CUEDC1: variants seen among roughly 807,000 people sequenced by gnomAD.
CUEDC1 encodes the protein CUE domain containing 1, also known as CUE domain-containing protein 1.
CUEDC1 carries 30 observed loss-of-function variants against 43.7 expected under a neutral mutation model. The ratio of observed to expected loss-of-function variants is 0.69; its 90% confidence interval spans 0.51 to 0.93. The LOEUF (loss-of-function observed/expected upper bound fraction) is 0.93, where lower values mean the gene tolerates loss of function less well. Among genes scored for constraint, CUEDC1 ranks in the 40% least tolerant of loss-of-function variants. The pLI, the probability that CUEDC1 is intolerant of heterozygous loss-of-function variation, is 0.00. For missense variants in CUEDC1, 486 were observed against 549.0 expected (o/e 0.89, Z 1.15); for synonymous variants, 223 against 223.6 (o/e 1.00, Z 0.02).
At chr17:57,939,816 C>T (rs996121622) in intron 1 of CUEDC1, among the ~76,000 whole-genome samples, 7 of 152,106 alleles carry the variant, frequency 4.6e-5, no homozygotes, top group African/African-American at 1.4e-4. Context: ...GGAAAGTGGA[C>T]GGGTGTATTT....
chr17:57,887,497 G>GA (rs1042988065), intron 1 of CUEDC1, among the ~76,000 whole-genome samples: 9 of 112,096 alleles, frequency 8.0e-5, no homozygotes, highest in South Asian at 3.4e-4. Context: ...AGCTGATACA[G>GA]AAATTTTTTT....
Position 57,869,204 on chromosome 17 carries a change from A to T in CUEDC1, c.869-11T>A. 6.2e-7 allele frequency: 1 copy of T among 1,612,944 alleles called. No homozygotes were observed. The highest frequency in any genetic ancestry group is 8.5e-7 in the Non-Finnish European group (1 of 1,179,490). On this transcript the variant is annotated splice_polypyrimidine_tract_variant and intron_variant, in intron 6 of 10. Coordinates refer to ENST00000577830, the MANE Select transcript of CUEDC1 (RefSeq NM_001271875.2). ...TGGCGTCGCCAGTTCCTGGAAGGAGACACCTGCTGAAGGCCGGCCACCGTG... is the reference window on the plus strand; with the variant it reads ...TGGCGTCGCCAGTTCCTGGAAGGAGTCACCTGCTGAAGGCCGGCCACCGTG...
chr17:57,893,704 G>A (rs73314227), intron 1 of CUEDC1, among the ~76,000 whole-genome samples: 21,208 of 152,252 alleles, frequency 0.14, 1,665 homozygotes, highest in Non-Finnish European at 0.17. Flanking sequence ...CTTAGGGGAG[G>A]AGGAGGAGGA....
At chr17:57,945,933 G>A (rs1017365676) in intron 1 of CUEDC1, among the ~76,000 whole-genome samples, 2 of 152,046 alleles carry the variant, frequency 1.3e-5, no homozygotes, top group Non-Finnish European at 2.9e-5. Flanking sequence ...GCTGAGACAG[G>A]AGAATTACTT....
intron 1 of CUEDC1, among the ~76,000 whole-genome samples, chr17:57,894,785 G>A (rs988681496): frequency 3.9e-5 from 6 of 152,220 alleles, no homozygotes; most frequent in Non-Finnish European, 7.3e-5. Flanking sequence ...GTGGGGCAGG[G>A]ACGAGGGCAA....
At chr17:57,939,341 C>T (rs1399133028) in intron 1 of CUEDC1, among the ~76,000 whole-genome samples, 5 of 151,778 alleles carry the variant, frequency 3.3e-5, no homozygotes, top group Non-Finnish European at 7.4e-5. Flanking sequence ...CCCGGCTCAC[C>T]GCAGCCTTGA....
chr17:57,903,397 A>G (rs1377005921), intron 1 of CUEDC1: 1 of 152,312 alleles, frequency 6.6e-6, no homozygotes, highest in African/African-American at 2.4e-5. Flanking sequence ...CTTGAAAATT[A>G]TTAACATGCA....
At chr17:57,894,606 G>T (rs1390673615) in intron 1 of CUEDC1, among the ~76,000 whole-genome samples, 1 of 152,104 alleles carries the variant, frequency 6.6e-6, no homozygotes, top group African/African-American at 2.4e-5. Flanking sequence ...GGAGGCAGAG[G>T]TTGCAGTGAG....
intron 3 of CUEDC1, among the ~76,000 whole-genome samples, chr17:57,876,984 A>G (rs979352479): frequency 3.9e-5 from 6 of 152,238 alleles, no homozygotes; most frequent in African/African-American, 1.4e-4. Flanking sequence ...AGGTTAAGCA[A>G]TGAGCCAAAG....
At chr17:57,926,120 T>C (rs1002474427) in intron 1 of CUEDC1, among the ~76,000 whole-genome samples, 1 of 152,110 alleles carries the variant, frequency 6.6e-6, no homozygotes, top group Non-Finnish European at 1.5e-5. Flanking sequence ...AATACTGGAA[T>C]GGAAAAAGTG....
At chr17:57,916,310 G>A (rs961388424) in intron 1 of CUEDC1, among the ~76,000 whole-genome samples, 1 of 152,264 alleles carries the variant, frequency 6.6e-6, no homozygotes, top group African/African-American at 2.4e-5. Context: ...GGCCAGGACA[G>A]GAGCCATGCA....
chr17:57,900,498 A>T (rs2074459932), intron 1 of CUEDC1, among the ~76,000 whole-genome samples: 1 of 152,248 alleles, frequency 6.6e-6, no homozygotes, highest in Non-Finnish European at 1.5e-5. Context: ...GGCATTAAAC[A>T]GAAACCTGCC....
intron 1 of CUEDC1, among the ~76,000 whole-genome samples, chr17:57,933,126 C>A (rs569374371): frequency 2.6e-5 from 4 of 152,130 alleles, no homozygotes; most frequent in African/African-American, 7.2e-5. Context: ...AATAGAAACA[C>A]CTGGGCAATG....
chr17:57,905,249 GACACACACAC>G (rs761744709), intron 1 of CUEDC1, among the ~76,000 whole-genome samples: 79 of 127,928 alleles, frequency 6.2e-4, no homozygotes, highest in South Asian at 1.1e-3. Flanking sequence ...CTCTCTCTCT[GACACACACAC>G]ACACACACAC....
intron 6 of CUEDC1, among the ~76,000 whole-genome samples, chr17:57,870,764 C>T (rs918943101): frequency 3.3e-5 from 5 of 151,922 alleles, no homozygotes; most frequent in African/African-American, 9.7e-5. Context: ...GCAGCCTCAA[C>T]CTCCTGGGCT....
chr17:57,935,378 G>GACACACACACAC (rs146002407), intron 1 of CUEDC1, among the ~76,000 whole-genome samples: 1,618 of 142,138 alleles, frequency 0.011, 21 homozygotes, highest in Admixed American at 0.017. Flanking sequence ...CCTTCCATTA[G>GACACACACACAC]ACACACACAC....
At chr17:57,949,564 CTTTTTTTTTTTTT>C (rs1194743025) in intron 1 of CUEDC1, among the ~76,000 whole-genome samples, 3 of 79,942 alleles carry the variant, frequency 3.8e-5, no homozygotes, top group East Asian at 3.0e-4. Context: ...CTCTGACATA[CTTTTTTTTTTTTT>C]TTTTTTTTTT....
intron 6 of CUEDC1, among the ~76,000 whole-genome samples, chr17:57,870,660 A>AT (rs1016289486): frequency 2.0e-5 from 3 of 148,900 alleles, no homozygotes; most frequent in African/African-American, 7.5e-5. Context: ...ACCACGGGGC[A>AT]TTTTGGGGTC....
chr17:57,867,684 T>A (rs1453683190), intron 8 of CUEDC1: 1 of 557,980 alleles, frequency 1.8e-6, no homozygotes, highest in Non-Finnish European at 3.2e-6. Flanking sequence ...GCCTCTGCTA[T>A]CCTAGGCCCT....
Sources: allele counts gnomAD v4.1 joint callset (sites outside exome capture counted in the v4.1 genomes callset), GRCh38; gene constraint gnomAD v4.1.1; transcripts MANE v1.5; gene names NCBI Gene and HGNC (gene_info 2026-07-23, HGNC 2026-07-21).